PCSK2: variants seen among roughly 807,000 people sequenced by gnomAD.
The protein encoded by PCSK2 is neuroendocrine convertase 2.
In PCSK2, 14 loss-of-function variants were observed where a neutral mutation model predicts 69.7. The ratio of observed to expected loss-of-function variants is 0.20; its 90% confidence interval spans 0.13 to 0.31. The LOEUF is 0.31. PCSK2 is among the 10% of genes least tolerant of loss of function. The pLI is 1.00. For missense variants in PCSK2, 544 were observed against 842.5 expected, an observed-to-expected ratio of 0.65 and a Z score of 4.39; for synonymous variants, 307 against 320.7, an observed-to-expected ratio of 0.96 and a Z score of 0.46.
At chr20:17,275,084 C>CATATATATATATAT (rs11474649) in intron 2 of PCSK2, among the ~76,000 whole-genome samples, 53 of 141,526 alleles carry the variant, frequency 3.7e-4, no homozygotes, top group African/African-American at 7.5e-4. Context: ...ATTATTTATA[C>CATATATATATATAT]ATATATATAT....
At chr20:17,262,280 G>T (rs1277865831) in intron 2 of PCSK2, among the ~76,000 whole-genome samples, 1 of 152,056 alleles carries the variant, frequency 6.6e-6, no homozygotes, top group Non-Finnish European at 1.5e-5. Flanking sequence ...GCCTCTATCT[G>T]GTAGTTGTAA....
intron 5 of PCSK2, among the ~76,000 whole-genome samples, chr20:17,395,836 T>G (rs777783400): frequency 2.6e-5 from 4 of 152,202 alleles, no homozygotes; most frequent in Non-Finnish European, 4.4e-5. Context: ...GCCCCTTCGA[T>G]GAGGTGACTC....
intron 2 of PCSK2, among the ~76,000 whole-genome samples, chr20:17,303,723 C>T (rs1256984096): frequency 2.0e-5 from 3 of 146,710 alleles, no homozygotes; most frequent in Admixed American, 6.9e-5. Context: ...ACTACAGGCA[C>T]GTGCCACCCC....
intron 2 of PCSK2, among the ~76,000 whole-genome samples, chr20:17,305,307 A>C (rs1600472996): frequency 6.6e-6 from 1 of 152,324 alleles, no homozygotes; most frequent in Admixed American, 6.5e-5. Flanking sequence ...GGACAGGATA[A>C]GTCACTTGCA....
chr20:17,360,502 C>T (rs1222703648), intron 3 of PCSK2, 30 bp from the exon 4 acceptor site: 1 of 1,364,512 alleles, frequency 7.3e-7, no homozygotes, highest in East Asian at 2.3e-5. Flanking sequence ...CAAACTAATA[C>T]CATTCTCTGC....
chr20:17,403,821 A>T (rs899455783), intron 5 of PCSK2, among the ~76,000 whole-genome samples: 2 of 152,248 alleles, frequency 1.3e-5, no homozygotes, highest in South Asian at 2.1e-4. Flanking sequence ...CACAAGAAAC[A>T]TCTTGTCTTC....
intron 2 of PCSK2, among the ~76,000 whole-genome samples, chr20:17,320,865 G>A (rs1005274085): frequency 2.0e-5 from 3 of 152,176 alleles, no homozygotes; most frequent in African/African-American, 7.2e-5. Context: ...GAGTCCTTCT[G>A]CCTTAACCAT....
chr20:17,278,105 CTT>C (rs1395619101), intron 2 of PCSK2, among the ~76,000 whole-genome samples: 1 of 152,188 alleles, frequency 6.6e-6, no homozygotes, highest in African/African-American at 2.4e-5. Context: ...AATAGGAACA[CTT>C]TTACACAGTT....
At chr20:17,271,423 C>T (rs1987862141) in intron 2 of PCSK2, among the ~76,000 whole-genome samples, 1 of 151,930 alleles carries the variant, frequency 6.6e-6, no homozygotes, top group Non-Finnish European at 1.5e-5. Context: ...CCTTTGATAG[C>T]TAAACAAGTT....
intron 2 of PCSK2, among the ~76,000 whole-genome samples, chr20:17,326,162 A>G (rs1438572116): frequency 6.6e-6 from 1 of 152,242 alleles, no homozygotes; most frequent in Non-Finnish European, 1.5e-5. Flanking sequence ...CAAAGGATGA[A>G]AATTCAAAGC....
At chr20:17,403,701 C>T (rs1053751929) in intron 5 of PCSK2, among the ~76,000 whole-genome samples, 7 of 152,204 alleles carry the variant, frequency 4.6e-5, no homozygotes, top group South Asian at 2.1e-4. Context: ...AAATGCAATG[C>T]GGTTTCTTGT....
chr20:17,450,119 CTG>C (rs2032794252), intron 8 of PCSK2, among the ~76,000 whole-genome samples: 1 of 138,646 alleles, frequency 7.2e-6, no homozygotes, highest in East Asian at 2.3e-4. Flanking sequence ...GCTCCGCCCC[CTG>C]GGGTTCACGC....
intron 5 of PCSK2, among the ~76,000 whole-genome samples, chr20:17,375,613 G>A (rs370784655): frequency 3.4e-4 from 52 of 152,292 alleles, no homozygotes; most frequent in African/African-American, 1.2e-3. Context: ...GGTTTTCTCC[G>A]AGCCAGGGAA....
rs1343485210 is a variant in PCSK2 at position 17,478,521 on chromosome 20, T to C, written c.1431-3063T>C. Among the ~76,000 whole-genome samples, 7 of 152,316 alleles carry C rather than the reference T, an allele frequency of 4.6e-5. No individual in the cohort carries two copies. The East Asian group carries it at 1.4e-3, about 29-fold the overall frequency. Reference sequence around the variant, plus strand: ...AACTTTAAATTAAAAAAAATCGATTTACTAATCCTCAGAAAAAGTAAACAA... The same window carrying C: ...AACTTTAAATTAAAAAAAATCGATTCACTAATCCTCAGAAAAAGTAAACAA... On this transcript the variant is annotated intron_variant, in intron 11 of 11. Transcript: ENST00000262545.
chr20:17,262,969 C>A (rs1046112546), intron 2 of PCSK2, among the ~76,000 whole-genome samples: 1 of 152,154 alleles, frequency 6.6e-6, no homozygotes, highest in African/African-American at 2.4e-5. Context: ...CCTGTCCCTG[C>A]ACCACTTCCC....
chr20:17,294,596 T>C (rs938081693), intron 2 of PCSK2, among the ~76,000 whole-genome samples: 1 of 152,204 alleles, frequency 6.6e-6, no homozygotes, highest in Non-Finnish European at 1.5e-5. Flanking sequence ...ATATATCACA[T>C]GTTCTCTTAG....
At chr20:17,451,915 CTTT>C (rs34323701) in intron 8 of PCSK2, among the ~76,000 whole-genome samples, 7 of 101,604 alleles carry the variant, frequency 6.9e-5, no homozygotes, top group African/African-American at 1.5e-4. Context: ...TTGTACTTTG[CTTT>C]TTTTTTTTTT....
intron 5 of PCSK2, among the ~76,000 whole-genome samples, chr20:17,382,360 A>T (rs2031111281): frequency 6.6e-6 from 1 of 152,186 alleles, no homozygotes; most frequent in Admixed American, 6.5e-5. Flanking sequence ...TAGACGGGAA[A>T]CTGAAGATCA....
rs533760720 is a variant in PCSK2 at position 17,344,169 on chromosome 20, G to A, written c.283-14158G>A. Among the ~76,000 whole-genome samples the A allele has an allele frequency of 1.1e-3, 166 of 152,248 alleles. 5 individuals carry two copies. The South Asian group carries it at 0.026, about 24-fold the overall frequency. On this transcript the variant is annotated intron_variant, in intron 2 of 11. Coordinates refer to ENST00000262545, the MANE Select transcript of PCSK2 (RefSeq NM_002594.5). ...TGGGGCTCATTAACGCCCTGTCATCGGGTGCTCTGTGCGTAAGTAGAAGTG... is the reference window on the plus strand; with the variant it reads ...TGGGGCTCATTAACGCCCTGTCATCAGGTGCTCTGTGCGTAAGTAGAAGTG...
Sources: allele counts gnomAD v4.1 joint callset (sites outside exome capture counted in the v4.1 genomes callset), GRCh38; gene constraint gnomAD v4.1.1; transcripts MANE v1.5; gene names NCBI Gene and HGNC (gene_info 2026-07-23, HGNC 2026-07-21).